DESI2: variants seen among roughly 807,000 people sequenced by gnomAD.
DESI2 encodes the protein deubiquitinase DESI2.
In DESI2, 10 loss-of-function variants were observed where a neutral mutation model predicts 24.1. That is an observed-to-expected ratio of 0.41 (90% CI 0.26 to 0.70). The LOEUF is 0.70. Ranked by LOEUF, DESI2 falls within the 30% of genes least tolerant of loss-of-function variation. The probability of loss-of-function intolerance (pLI) is 0.29; values close to 1 mark genes in which losing one functional copy is unlikely to be tolerated. For missense variants in DESI2, 122 were observed against 234.9 expected (o/e 0.52, Z 3.14); for synonymous variants, 71 against 87.7 (o/e 0.81, Z 1.06).
At chr1:244,696,606 C>A (rs745801501) in intron 4 of DESI2, among the ~76,000 whole-genome samples, 1 of 152,116 alleles carries the variant, frequency 6.6e-6, no homozygotes, top group Non-Finnish European at 1.5e-5. Context: ...GGTGATAGGG[C>A]AAGATAGATG....
intron 1 of DESI2, among the ~76,000 whole-genome samples, chr1:244,661,397 T>C (rs1246538728): frequency 6.6e-6 from 1 of 152,184 alleles, no homozygotes; most frequent in Non-Finnish European, 1.5e-5. Context: ...GCCACAGAAA[T>C]CAAGCTAATT....
intron 1 of DESI2, among the ~76,000 whole-genome samples, chr1:244,683,810 T>C (rs1676719289): frequency 6.6e-6 from 1 of 150,996 alleles, no homozygotes; most frequent in Admixed American, 6.6e-5. Context: ...AACCTCAAAC[T>C]CCCGGGCTCA....
At chr1:244,661,217 T>G (rs1675828120) in intron 1 of DESI2, among the ~76,000 whole-genome samples, 1 of 152,216 alleles carries the variant, frequency 6.6e-6, no homozygotes, top group South Asian at 2.1e-4. Context: ...TTCTGCTTTC[T>G]GTCTCTGTGC....
chr1:244,664,282 G>C (rs1002171915), intron 1 of DESI2, among the ~76,000 whole-genome samples: 2 of 152,112 alleles, frequency 1.3e-5, no homozygotes, highest in East Asian at 1.9e-4. Flanking sequence ...ATAGAAGGAC[G>C]TGTGTTGTAA....
intron 2 of DESI2, 98 bp downstream of exon 2, chr1:244,686,767 G>A: frequency 5.7e-6 from 4 of 700,600 alleles, no homozygotes; most frequent in Non-Finnish European, 9.7e-6. Flanking sequence ...TTAACCACTT[G>A]CATATGTTAT....
In DESI2 at chr1:244,689,663, C is replaced by T. The variant is rs546186539; in HGVS notation, c.209+321C>T. On this transcript the variant is annotated intron_variant, in intron 3 of 4. Transcript: ENST00000302550. This position sits in a 1 kb window ranked among gnomAD's most constrained non-coding sequence, Gnocchi z 4.0. ...TAGCTGGGATTACAGGCGTGCACCA[C>T]GACGTCCGGCTAATTTTTGTATTTT... Among the ~76,000 whole-genome samples, 7 of 152,256 alleles carry T rather than the reference C, an allele frequency of 4.6e-5. No individual in the cohort carries two copies. The highest frequency in any genetic ancestry group is 2.1e-4 in the South Asian group (1 of 4,820).
chr1:244,681,162 C>T (rs967207894), intron 1 of DESI2, among the ~76,000 whole-genome samples: 2 of 152,160 alleles, frequency 1.3e-5, no homozygotes, highest in African/African-American at 4.8e-5. Flanking sequence ...AACTTTGAAT[C>T]AACCATTTCT....
At chr1:244,676,421 T>C (rs1307002923) in intron 1 of DESI2, among the ~76,000 whole-genome samples, 4 of 152,176 alleles carry the variant, frequency 2.6e-5, no homozygotes, top group Admixed American at 6.5e-5. Flanking sequence ...GCAATGTTTT[T>C]AACTTATCTA....
At chr1:244,664,358 G>C in intron 1 of DESI2, among the ~76,000 whole-genome samples, 1 of 152,292 alleles carries the variant, frequency 6.6e-6, no homozygotes, top group South Asian at 2.1e-4. Context: ...TCATTAAGAT[G>C]TATTATTGGG....
intron 1 of DESI2, among the ~76,000 whole-genome samples, chr1:244,661,476 T>G (rs568914278): frequency 6.6e-6 from 1 of 152,132 alleles, no homozygotes; most frequent in African/African-American, 2.4e-5. Context: ...TTGTTACATA[T>G]GTATACATGT....
intron 1 of DESI2, among the ~76,000 whole-genome samples, chr1:244,677,341 T>C (rs1233087913): frequency 6.6e-6 from 1 of 152,232 alleles, no homozygotes; most frequent in Non-Finnish European, 1.5e-5. Context: ...ATACAGTTGT[T>C]CTTAGTCTTC....
intron 1 of DESI2, among the ~76,000 whole-genome samples, chr1:244,654,627 A>G (rs1373883353): frequency 6.6e-6 from 1 of 152,220 alleles, no homozygotes; most frequent in African/African-American, 2.4e-5. Context: ...AAAAAGTTGA[A>G]GAGGAGAATA....
intron 1 of DESI2, among the ~76,000 whole-genome samples, chr1:244,665,136 T>G (rs1192056409): frequency 6.6e-6 from 1 of 152,230 alleles, no homozygotes; most frequent in Non-Finnish European, 1.5e-5. Flanking sequence ...ATATCAGTTT[T>G]GATATTGAAT....
Position 244,707,341 on chromosome 1 carries a change from G to A in DESI2, c.*1552G>A, listed in dbSNP as rs1354071571. ...CTGTTCATAGGGAAAATAAACCTTG[G>A]GTTATAAGCATTAGCCTGAGGACAA... On this transcript the variant is annotated 3_prime_UTR_variant, in exon 5 of 5. Transcript: ENST00000302550. 6.6e-6 allele frequency: 1 copy of A among 152,512 alleles called. No homozygotes were observed. The highest frequency in any genetic ancestry group is 2.4e-5 in the African/African-American group (1 of 41,412). 9.4% of individuals were successfully genotyped at this position (152,512 alleles called of 1,614,324 possible).
chr1:244,700,704 C>CTTAACCTCATCAATGAGATAGCT (rs1404815813), intron 4 of DESI2, among the ~76,000 whole-genome samples: 1 of 152,180 alleles, frequency 6.6e-6, no homozygotes, highest in Non-Finnish European at 1.5e-5. Flanking sequence ...AGAATTTTTA[C>CTTAACCTCATCAATGAGATAGCT]TTAACCTCAT....
intron 4 of DESI2, among the ~76,000 whole-genome samples, chr1:244,699,353 G>T (rs1303705858): frequency 2.0e-5 from 3 of 152,022 alleles, no homozygotes; most frequent in Non-Finnish European, 2.9e-5. Context: ...GGAGGCCCAG[G>T]CAGGCAGATC....
intron 4 of DESI2, among the ~76,000 whole-genome samples, chr1:244,696,260 G>A (rs909930862): frequency 4.6e-5 from 7 of 152,100 alleles, no homozygotes; most frequent in African/African-American, 1.2e-4. Context: ...ATTTTTTAAC[G>A]GTTAGTTTGA....
intron 1 of DESI2, among the ~76,000 whole-genome samples, chr1:244,660,025 A>G (rs1573177059): frequency 1.3e-5 from 2 of 152,232 alleles, no homozygotes; most frequent in South Asian, 2.1e-4. Context: ...GTTCCAGTGT[A>G]TATCAGTTCC....
intron 1 of DESI2, among the ~76,000 whole-genome samples, chr1:244,657,183 G>A (rs527961018): frequency 4.6e-5 from 7 of 152,314 alleles, no homozygotes; most frequent in East Asian, 1.9e-4. Flanking sequence ...TCTGGACTCC[G>A]TTCTTTTGAC....
Sources: gnomAD v4.1 joint callset for allele counts (sites outside exome capture counted in the v4.1 genomes callset) on GRCh38, gnomAD v4.1.1 for gene constraint, Gnocchi (gnomAD v3.1) non-coding constraint, MANE v1.5 for transcripts, NCBI Gene and HGNC (gene_info 2026-07-23, HGNC 2026-07-21) for gene names.